Variants in GNAI1 observed in about 807,000 individuals in gnomAD.
The protein encoded by GNAI1 is G protein subunit alpha i1, also known as guanine nucleotide-binding protein G(i) subunit alpha-1.
A neutral mutation model predicts 38.9 loss-of-function variants in GNAI1; 11 were observed. That is an observed-to-expected ratio of 0.28 (90% confidence interval 0.18 to 0.47). The LOEUF (loss-of-function observed/expected upper bound fraction) is 0.47, where lower values mean the gene tolerates loss of function less well. GNAI1 is among the 20% of genes least tolerant of loss of function. GNAI1 has a pLI of 0.99. For synonymous variants in GNAI1, 166 were observed against 145.1 expected (o/e 1.14, Z -1.04); for missense variants, 317 against 436.9 (o/e 0.73, Z 2.45).
At chr7:80,191,509 A>G (rs1425948257) in intron 3 of GNAI1, among the ~76,000 whole-genome samples, 1 of 152,096 alleles carries the variant, frequency 6.6e-6, no homozygotes, top group African/African-American at 2.4e-5. Context: ...CTCATGCCTC[A>G]GCCTCCCAAG....
intron 1 of GNAI1, among the ~76,000 whole-genome samples, chr7:80,157,110 A>G (rs1787832221): frequency 6.6e-6 from 1 of 152,156 alleles, no homozygotes; most frequent in African/African-American, 2.4e-5. Context: ...TACTCCTCGT[A>G]TTTATTCTCC....
intron 1 of GNAI1, among the ~76,000 whole-genome samples, chr7:80,147,374 TAA>T (rs35187234): frequency 9.3e-5 from 13 of 139,290 alleles, no homozygotes; most frequent in Non-Finnish European, 1.2e-4. Flanking sequence ...GTATCCTTAT[TAA>T]AAAAAAAAAA....
chr7:80,210,916 T>C, intron 5 of GNAI1, 53 bp from the exon 6 acceptor site: 1 of 1,547,924 alleles, frequency 6.5e-7, no homozygotes. Context: ...AAAGAACTTC[T>C]CAGAGCTTTT....
At chr7:80,156,184 A>G (rs1298120861) in intron 1 of GNAI1, among the ~76,000 whole-genome samples, 1 of 152,154 alleles carries the variant, frequency 6.6e-6, no homozygotes, top group Non-Finnish European at 1.5e-5. Flanking sequence ...ATTCATTTGC[A>G]TAATCTTCTC....
In GNAI1 at chr7:80,197,181, T is replaced by TC. The variant is rs796880737; in HGVS notation, c.304-2044_304-2043insC. Among the ~76,000 whole-genome samples, 101 of 23,238 alleles carry TC rather than the reference T, an allele frequency of 4.3e-3. 1 individual carries two copies. Among genetic ancestry groups the TC allele is most frequent in the Middle Eastern group, 0.024 (1 of 42 alleles). The allele number at this position is 23,238 out of a possible 152,430, so 15.2% of individuals were successfully genotyped here. A position where few individuals can be genotyped will look rare whatever the true frequency, so the allele number is the denominator to read the frequency against. Reference sequence around the variant, plus strand: ...CTTGACCTATTTTTGTTTCTGTGGATTTTTTTTTTTTTTTTGGAGACCTGG... The same window carrying TC: ...CTTGACCTATTTTTGTTTCTGTGGATCTTTTTTTTTTTTTTTGGAGACCTGG... On this transcript the variant is annotated intron_variant, in intron 3 of 7. Coordinates refer to ENST00000649796, the MANE Select transcript of GNAI1 (RefSeq NM_002069.6).
rs1384073566 is a variant in GNAI1 at position 80,225,287 on chromosome 7, T to TA, written c.*7798dup. On this transcript the variant is annotated 3_prime_UTR_variant, in exon 8 of 8. Coordinates refer to ENST00000649796, the MANE Select transcript of GNAI1 (RefSeq NM_002069.6). ...CATACACATTTTAAGATCTATACTC[T>TA]AAAACAGGGTTTTGAAATTAGCAGC... is the stretch of plus-strand genomic sequence containing the variant. Among the ~76,000 whole-genome samples the TA allele has an allele frequency of 1.3e-5, 2 of 152,232 alleles. No individual in the cohort carries two copies. The highest frequency in any genetic ancestry group is 2.9e-5 in the Non-Finnish European group (2 of 68,042).
chr7:80,194,619 G>A (rs1290081145), intron 3 of GNAI1, among the ~76,000 whole-genome samples: 1 of 152,060 alleles, frequency 6.6e-6, no homozygotes, highest in Non-Finnish European at 1.5e-5. Flanking sequence ...TCTGTCTGAA[G>A]CATGTTTTGT....
At chr7:80,186,768 G>C (rs1434546955) in intron 1 of GNAI1, among the ~76,000 whole-genome samples, 1 of 152,076 alleles carries the variant, frequency 6.6e-6, no homozygotes, top group Non-Finnish European at 1.5e-5. Context: ...GGCAACCACT[G>C]CCTCAACTCA....
At chr7:80,161,911 T>TA (rs1787930230) in intron 1 of GNAI1, among the ~76,000 whole-genome samples, 1 of 152,188 alleles carries the variant, frequency 6.6e-6, no homozygotes, top group South Asian at 2.1e-4. Context: ...ATACAGTGCT[T>TA]ACCATTTGCT....
intron 3 of GNAI1, among the ~76,000 whole-genome samples, chr7:80,192,016 TC>T: frequency 6.6e-6 from 1 of 151,752 alleles, no homozygotes; most frequent in Non-Finnish European, 1.5e-5. Context: ...TGTGAACTCC[TC>T]TTAGTTTTCA....
In GNAI1 at chr7:80,220,947, C is replaced by T. The variant is rs1789062866; in HGVS notation, c.*3454C>T. On this transcript the variant is annotated 3_prime_UTR_variant, in exon 8 of 8. Transcript: ENST00000649796. ...AAAGGAGATACTTATTAATGTCTTT[C>T]ATCAGAGCTATTTTTTACTCCTTAG... Among the ~76,000 whole-genome samples the T allele has an allele frequency of 6.6e-6, 1 of 152,180 alleles. No homozygotes were observed. The highest frequency in any genetic ancestry group is 2.4e-5 in the African/African-American group (1 of 41,444).
chr7:80,212,635 TACA>T (rs1272397332), intron 6 of GNAI1, 78 bp from the exon 7 acceptor site: 10 of 792,916 alleles, frequency 1.3e-5, no homozygotes, highest in Middle Eastern at 3.8e-4. Flanking sequence ...TCTGTTTTAT[TACA>T]ACACCTTTTA....
At chr7:80,149,317 C>A (rs1787685116) in intron 1 of GNAI1, among the ~76,000 whole-genome samples, 1 of 152,074 alleles carries the variant, frequency 6.6e-6, no homozygotes, top group Admixed American at 6.6e-5. Flanking sequence ...CTGGAACTGT[C>A]AAATTTTATG....
intron 1 of GNAI1, among the ~76,000 whole-genome samples, chr7:80,144,337 T>C (rs1787580910): frequency 6.6e-6 from 1 of 151,824 alleles, no homozygotes; most frequent in South Asian, 2.1e-4. Context: ...TTCCACAAAA[T>C]ATAAAATCCT....
At chr7:80,207,421 C>T (rs191269566) in intron 5 of GNAI1, among the ~76,000 whole-genome samples, 2 of 152,090 alleles carry the variant, frequency 1.3e-5, no homozygotes, top group East Asian at 3.9e-4. Flanking sequence ...ATTATCCTTC[C>T]AGGAGGTTCA....
chr7:80,184,394 T>C (rs1192658303), intron 1 of GNAI1, among the ~76,000 whole-genome samples: 1 of 152,080 alleles, frequency 6.6e-6, no homozygotes, highest in Non-Finnish European at 1.5e-5. Context: ...TCCCTTGGGG[T>C]GGGCTGTTCA....
Position 80,218,289 on chromosome 7 carries a change from TTTTA to T in GNAI1, c.*799_*802del, listed in dbSNP as rs1230693925. On this transcript the variant is annotated 3_prime_UTR_variant, in exon 8 of 8. Transcript: ENST00000649796. ...CTTAGACTTATTGTACACACTTAGT[TTTTA>T]TTCACTTGTTTTCACTCTGAATTTT... 7 of 152,174 alleles carry T rather than the reference TTTTA, an allele frequency of 4.6e-5. No homozygotes were observed. The highest frequency in any genetic ancestry group is 1.7e-4 in the African/African-American group (7 of 41,456). 9.4% of individuals were successfully genotyped at this position (152,174 alleles called of 1,614,324 possible).
chr7:80,138,162 ATC>A (rs34063868), intron 1 of GNAI1, among the ~76,000 whole-genome samples: 7,904 of 152,272 alleles, frequency 0.052, 220 homozygotes, highest in Middle Eastern at 0.095. Flanking sequence ...AAGGCATAAA[ATC>A]TCTAAAGTAC....
chr7:80,208,795 A>T (rs552015552), intron 5 of GNAI1, among the ~76,000 whole-genome samples: 2 of 152,300 alleles, frequency 1.3e-5, no homozygotes, highest in South Asian at 2.1e-4. Flanking sequence ...AGTTTTCCTC[A>T]GCTAAATATC....
Sources: allele counts gnomAD v4.1 joint callset (sites outside exome capture counted in the v4.1 genomes callset), GRCh38; gene constraint gnomAD v4.1.1; transcripts MANE v1.5; gene names NCBI Gene and HGNC (gene_info 2026-07-23, HGNC 2026-07-21).